Variants in GUCY1A2 observed in about 807,000 individuals in gnomAD.
The protein encoded by GUCY1A2 is guanylate cyclase 1 soluble subunit alpha 2.
A neutral mutation model predicts 63.5 loss-of-function variants in GUCY1A2; 27 were observed. That is an observed-to-expected ratio of 0.43 (90% CI 0.31 to 0.59). GUCY1A2 has a LOEUF of 0.59. Ranked by LOEUF, GUCY1A2 falls within the 20% of genes least tolerant of loss-of-function variation. The pLI, the probability that GUCY1A2 is intolerant of heterozygous loss-of-function variation, is 0.11. For synonymous variants in GUCY1A2, 364 were observed against 343.5 expected (o/e 1.06, Z -0.66); for missense variants, 768 against 913.3 (o/e 0.84, Z 2.05).
At chr11:106,740,673 T>TGTAG (rs1249815626) in intron 6 of GUCY1A2, among the ~76,000 whole-genome samples, 2 of 93,192 alleles carry the variant, frequency 2.1e-5, no homozygotes, top group Non-Finnish European at 5.9e-5. Context: ...TATGTATGTA[T>TGTAG]GTATGTATGT....
chr11:106,724,521 T>C (rs1268042970), intron 6 of GUCY1A2, among the ~76,000 whole-genome samples: 2 of 152,212 alleles, frequency 1.3e-5, no homozygotes, highest in African/African-American at 4.8e-5. Flanking sequence ...AAGCTGTGGC[T>C]CTCTTGCTCT....
intron 4 of GUCY1A2, among the ~76,000 whole-genome samples, chr11:106,825,481 T>G (rs1161609437): frequency 6.8e-6 from 1 of 148,140 alleles, no homozygotes; most frequent in Non-Finnish European, 1.5e-5. Flanking sequence ...AAAAATCTCA[T>G]GTTTTAAGAA....
rs371644589 is a variant in GUCY1A2, at chr11:106,924,439, T to A, written c.1206+15021A>T. Among the ~76,000 whole-genome samples the A allele has an allele frequency of 2.0e-5, 3 of 152,230 alleles. No homozygotes were observed. The East Asian group carries it at 5.8e-4, about 29-fold the overall frequency. ...TTTTTGCAATAAATGTTGTGTGATA[T>A]TCTTTCAGAAGAATACACTAGTGAA... On this transcript the variant is annotated intron_variant, in intron 4 of 7. Transcript: ENST00000526355.
At chr11:106,881,144 A>G (rs1048360212) in intron 4 of GUCY1A2, among the ~76,000 whole-genome samples, 1 of 152,120 alleles carries the variant, frequency 6.6e-6, no homozygotes, top group African/African-American at 2.4e-5. Context: ...GTGAACAACT[A>G]ATACTTTCAC....
chr11:106,724,739 A>G (rs1863374977), intron 6 of GUCY1A2, among the ~76,000 whole-genome samples: 1 of 152,140 alleles, frequency 6.6e-6, no homozygotes, highest in South Asian at 2.1e-4. Context: ...CTATGTGTAA[A>G]ATGAGGATAA....
chr11:106,881,566 G>A (rs966398143), intron 4 of GUCY1A2, among the ~76,000 whole-genome samples: 2 of 151,986 alleles, frequency 1.3e-5, no homozygotes, highest in East Asian at 3.9e-4. Context: ...TTTATTACAA[G>A]TGAAAAAGAA....
chr11:106,887,073 C>T (rs1859910627), intron 4 of GUCY1A2, among the ~76,000 whole-genome samples: 2 of 152,158 alleles, frequency 1.3e-5, no homozygotes, highest in African/African-American at 2.4e-5. Flanking sequence ...AATCTTATCT[C>T]CTCTGAGTGT....
intron 4 of GUCY1A2, among the ~76,000 whole-genome samples, chr11:106,843,063 A>C (rs1396452698): frequency 6.6e-6 from 1 of 151,904 alleles, no homozygotes; most frequent in Non-Finnish European, 1.5e-5. Flanking sequence ...TTTAAAAGTG[A>C]AATCATCAGC....
In GUCY1A2 at chr11:106,754,376, G is replaced by T. The variant is rs542438424; in HGVS notation, c.1836+22063C>A. The stretch of plus-strand genomic sequence containing the variant: ...TTCTCTTGCCTGATTGCCCTGGCCA[G>T]AGCTTCCAATACTATATTGAATAGG... On this transcript the variant is annotated intron_variant, in intron 6 of 7. Coordinates refer to ENST00000526355, the MANE Select transcript of GUCY1A2 (RefSeq NM_000855.3). 4.0e-4 allele frequency among the ~76,000 whole-genome samples: 61 copies of T among 152,262 alleles called. 3 individuals carry two copies. The South Asian group carries it at 0.012, about 30-fold the overall frequency.
intron 4 of GUCY1A2, among the ~76,000 whole-genome samples, chr11:106,935,863 A>T (rs529698971): frequency 0.032 from 4,750 of 149,736 alleles, 236 homozygotes; most frequent in African/African-American, 0.11. Context: ...AAAAAAAATT[A>T]AAAAAAAAAT....
chr11:106,745,737 C>T (rs1863776230), intron 6 of GUCY1A2, among the ~76,000 whole-genome samples: 1 of 152,140 alleles, frequency 6.6e-6, no homozygotes, highest in South Asian at 2.1e-4. Context: ...CAAATGTGGT[C>T]CCTCATGGTC....
At chr11:106,897,033 C>T (rs1860060032) in intron 4 of GUCY1A2, among the ~76,000 whole-genome samples, 1 of 152,042 alleles carries the variant, frequency 6.6e-6, no homozygotes, top group African/African-American at 2.4e-5. Context: ...TATACAAAAT[C>T]CCATTACTTT....
chr11:106,850,925 T>C (rs1181392623), intron 4 of GUCY1A2, among the ~76,000 whole-genome samples: 1 of 151,952 alleles, frequency 6.6e-6, no homozygotes, highest in African/African-American at 2.4e-5. Context: ...CATGATGTTT[T>C]CCATAATGGC....
At chr11:106,760,398 T>C (rs1401130828) in intron 6 of GUCY1A2, among the ~76,000 whole-genome samples, 2 of 152,154 alleles carry the variant, frequency 1.3e-5, no homozygotes, top group African/African-American at 4.8e-5. Flanking sequence ...TTTGGAGGCA[T>C]GGCTATATGT....
rs544457182 is a variant in GUCY1A2 at position 106,779,688 on chromosome 11, G to A, written c.1693-3106C>T. On this transcript the variant is annotated intron_variant, in intron 5 of 7. Transcript: ENST00000526355. ...AAATGCATTGAATTCCATTAAATAT[G>A]TATGACTAGAATTTGCACAAGAATA... Among the ~76,000 whole-genome samples the A allele has an allele frequency of 4.6e-5, 7 of 152,018 alleles. No homozygotes were observed. In the South Asian group the frequency reaches 1.5e-3, roughly 32 times the overall value.
chr11:106,951,885 C>G (rs920120647), intron 3 of GUCY1A2, among the ~76,000 whole-genome samples: 1 of 152,138 alleles, frequency 6.6e-6, no homozygotes, highest in Admixed American at 6.5e-5. Flanking sequence ...ACATTTAAGT[C>G]TTCAATCCAT....
At chr11:106,961,914 A>G (rs1265554937) in intron 3 of GUCY1A2, among the ~76,000 whole-genome samples, 5 of 152,202 alleles carry the variant, frequency 3.3e-5, no homozygotes, top group Non-Finnish European at 5.9e-5. Flanking sequence ...GGCAATCTTC[A>G]TTTTAAACAA....
At chr11:106,728,505 A>G (rs189117234) in intron 6 of GUCY1A2, among the ~76,000 whole-genome samples, 20 of 152,306 alleles carry the variant, frequency 1.3e-4, no homozygotes, top group African/African-American at 4.8e-4. Flanking sequence ...ATTTTTCCCA[A>G]AAAATGTTTA....
Position 106,970,889 on chromosome 11 carries a change from G to T in GUCY1A2, c.487+7730C>A, listed in dbSNP as rs12289437. ...TAAATGGAATATTTTTCAGGGGGGT[G>T]GGGGGAAAGGAATGAGCTCTCTGCC... On this transcript the variant is annotated intron_variant, in intron 3 of 7. Coordinates refer to ENST00000526355, the MANE Select transcript of GUCY1A2 (RefSeq NM_000855.3). Among the ~76,000 whole-genome samples the T allele has an allele frequency of 3.4e-3, 520 of 151,906 alleles. 4 individuals are homozygous for T. Among genetic ancestry groups the T allele is most frequent in the African/African-American group, 0.012 (486 of 41,434 alleles).
Sources: gnomAD v4.1 joint callset for allele counts (sites outside exome capture counted in the v4.1 genomes callset) on GRCh38, gnomAD v4.1.1 for gene constraint, MANE v1.5 for transcripts, NCBI Gene and HGNC (gene_info 2026-07-23, HGNC 2026-07-21) for gene names.